GRIA1: variants seen among roughly 807,000 people sequenced by gnomAD.
The protein encoded by GRIA1 is glutamate ionotropic receptor AMPA type subunit 1.
GRIA1 carries 31 observed loss-of-function variants against 99.2 expected under a neutral mutation model. The ratio of observed to expected loss-of-function variants is 0.31; its 90% CI spans 0.23 to 0.42. The LOEUF (loss-of-function observed/expected upper bound fraction) is 0.42. GRIA1 is among the 10% of genes least tolerant of loss of function. The pLI, the probability that GRIA1 is intolerant of heterozygous loss-of-function variation, is 1.00. For missense variants in GRIA1, 782 were observed against 1,157.5 expected, an observed-to-expected ratio of 0.68 and a Z score of 4.71; for synonymous variants, 438 against 432.4, an observed-to-expected ratio of 1.01 and a Z score of -0.16.
At chr5:153,566,434 G>A (rs1761632585) in intron 2 of GRIA1, among the ~76,000 whole-genome samples, 1 of 149,768 alleles carries the variant, frequency 6.7e-6, no homozygotes, top group Non-Finnish European at 1.5e-5. Flanking sequence ...AGACTCCCAA[G>A]TAGCTGGGAT....
intron 13 of GRIA1, among the ~76,000 whole-genome samples, chr5:153,780,453 C>T (rs1343436924): frequency 6.6e-6 from 1 of 152,222 alleles, no homozygotes; most frequent in African/African-American, 2.4e-5. Context: ...GGACAAGTGA[C>T]TTCATCTCCT....
chr5:153,662,009 T>C (rs1561741554), intron 5 of GRIA1, among the ~76,000 whole-genome samples: 4 of 152,214 alleles, frequency 2.6e-5, no homozygotes. Flanking sequence ...GCACTCTTCC[T>C]GGAACAGGGC....
Position 153,650,326 on chromosome 5 carries a change from T to C in GRIA1, c.461-4T>C. 6.2e-7 allele frequency: 1 copy of C among 1,612,910 alleles called. No homozygotes were observed. On this transcript the variant is annotated splice_region_variant and splice_polypyrimidine_tract_variant and intron_variant, in intron 3 of 15. Transcript: ENST00000285900. ...CATTTCTCTTCTACTCATCTGAACT[T>C]TAGGCTTATCCGTCCTGCAGAAAGT...
At chr5:153,588,638 T>C (rs776468793) in intron 2 of GRIA1, among the ~76,000 whole-genome samples, 4 of 152,228 alleles carry the variant, frequency 2.6e-5, no homozygotes, top group Non-Finnish European at 5.9e-5. Flanking sequence ...TTTATACTTT[T>C]AAATTGAAAT....
At chr5:153,499,401 G>A (rs192622341) in intron 2 of GRIA1, among the ~76,000 whole-genome samples, 2 of 151,874 alleles carry the variant, frequency 1.3e-5, no homozygotes, top group Admixed American at 1.3e-4. Flanking sequence ...AGATCATGAG[G>A]TCAGGAGATT....
intron 2 of GRIA1, among the ~76,000 whole-genome samples, chr5:153,511,906 C>T (rs138411479): frequency 2.6e-5 from 4 of 152,322 alleles, no homozygotes; most frequent in Admixed American, 6.5e-5. Context: ...TTCTTTTCCT[C>T]GTTCCTGCGA....
chr5:153,726,526 C>G (rs1581547086), intron 11 of GRIA1, among the ~76,000 whole-genome samples: 1 of 151,746 alleles, frequency 6.6e-6, no homozygotes, highest in East Asian at 1.9e-4. Flanking sequence ...AGAGAAGAAT[C>G]AAATAGATGC....
At chr5:153,629,506 C>T (rs1353180291) in intron 2 of GRIA1, among the ~76,000 whole-genome samples, 1 of 152,176 alleles carries the variant, frequency 6.6e-6, no homozygotes, top group Admixed American at 6.5e-5. Context: ...TCCCCTGAAA[C>T]CAAGGATTAT....
chr5:153,688,560 T>C (rs1757504535), intron 8 of GRIA1, among the ~76,000 whole-genome samples: 2 of 152,160 alleles, frequency 1.3e-5, no homozygotes, highest in Admixed American at 6.5e-5. Flanking sequence ...TTAATAGCTA[T>C]AGTAAATGTT....
chr5:153,634,330 G>A lies in GRIA1; in HGVS notation c.221-12598G>A, dbSNP rs114465134. Among the ~76,000 whole-genome samples the A allele has an allele frequency of 8.0e-4, 114 of 143,314 alleles. 1 individual carries two copies. Among genetic ancestry groups the A allele is most frequent in the African/African-American group, 1.1e-3 (44 of 38,668 alleles). The allele number at this position is 143,314 out of a possible 152,430, so 94.0% of individuals were successfully genotyped here. A position where few individuals can be genotyped will look rare whatever the true frequency, so the allele number is the denominator to read the frequency against. On this transcript the variant is annotated intron_variant, in intron 2 of 15. Coordinates refer to ENST00000285900, the MANE Select transcript of GRIA1 (RefSeq NM_000827.4). ...GAGACTCCATCTCAAAAAAAAAAAA[G>A]AAAAAAAAAAGAGTAGGATGAGTAT...
At chr5:153,524,390 A>G (rs1163678423) in intron 2 of GRIA1, among the ~76,000 whole-genome samples, 2 of 152,170 alleles carry the variant, frequency 1.3e-5, no homozygotes, top group Admixed American at 1.3e-4. Flanking sequence ...TTCCGAAATG[A>G]TAGAGTCTGA....
chr5:153,746,461 C>T (rs1762165523), intron 11 of GRIA1, among the ~76,000 whole-genome samples: 2 of 152,208 alleles, frequency 1.3e-5, no homozygotes, highest in Admixed American at 6.5e-5. Context: ...GCTTATGGGT[C>T]GGGGTATATT....
intron 2 of GRIA1, among the ~76,000 whole-genome samples, chr5:153,507,232 T>C (rs185445485): frequency 2.0e-5 from 3 of 152,320 alleles, no homozygotes; most frequent in Admixed American, 6.5e-5. Context: ...GCTACTTATG[T>C]CTTTGTTTCT....
intron 11 of GRIA1, among the ~76,000 whole-genome samples, chr5:153,723,757 G>T (rs1041208173): frequency 3.3e-5 from 5 of 151,586 alleles, no homozygotes; most frequent in Admixed American, 2.6e-4. Context: ...GAACTGGGTG[G>T]AGCCCACCAC....
At chr5:153,655,247 G>T (rs974843407) in intron 4 of GRIA1, among the ~76,000 whole-genome samples, 1 of 152,168 alleles carries the variant, frequency 6.6e-6, no homozygotes, top group Non-Finnish European at 1.5e-5. Flanking sequence ...GTACCTAACT[G>T]ATTCGGGGAG....
At chr5:153,715,444 C>T (rs11953799) in intron 11 of GRIA1, among the ~76,000 whole-genome samples, 44,065 of 151,790 alleles carry the variant, frequency 0.29, 6,590 homozygotes, top group East Asian at 0.42. Flanking sequence ...AACTCTGCAG[C>T]AGGGCCGGCT....
At position 153,645,004 on chromosome 5, in the gene GRIA1, A is replaced by T. The variant is rs1313832903; in HGVS notation, c.221-1924A>T. Reference sequence around the variant, plus strand: ...AGACTTTTCCTGTGTGCAATGGGAAAACTTTGAGTGGATTTGTACAAGGAG... The same window carrying T: ...AGACTTTTCCTGTGTGCAATGGGAATACTTTGAGTGGATTTGTACAAGGAG... On this transcript the variant is annotated intron_variant, in intron 2 of 15. Coordinates refer to ENST00000285900, the MANE Select transcript of GRIA1 (RefSeq NM_000827.4). Among the ~76,000 whole-genome samples, 5 of 151,976 alleles carry T rather than the reference A, an allele frequency of 3.3e-5. No homozygotes were observed. In the East Asian group the frequency reaches 7.8e-4, roughly 24 times the overall value.
At chr5:153,536,536 G>A (rs998710571) in intron 2 of GRIA1, among the ~76,000 whole-genome samples, 1 of 151,976 alleles carries the variant, frequency 6.6e-6, no homozygotes, top group Non-Finnish European at 1.5e-5. Context: ...ACCTCCTCCA[G>A]CCCAGCATCT....
At chr5:153,524,571 C>CA in intron 2 of GRIA1, among the ~76,000 whole-genome samples, 1 of 152,134 alleles carries the variant, frequency 6.6e-6, no homozygotes. Flanking sequence ...TAGATCACTT[C>CA]TAAAAAATCA....
Sources: gnomAD v4.1 joint callset for allele counts (sites outside exome capture counted in the v4.1 genomes callset) on GRCh38, gnomAD v4.1.1 for gene constraint, MANE v1.5 for transcripts, NCBI Gene and HGNC (gene_info 2026-07-23, HGNC 2026-07-21) for gene names.